RFC1: variants seen among roughly 807,000 people sequenced by gnomAD.
RFC1 encodes the protein A1 140 kDa subunit.
In RFC1, 37 loss-of-function variants were observed where a neutral mutation model predicts 137.4. That is an observed-to-expected ratio of 0.27 (90% CI 0.21 to 0.35). The LOEUF is 0.35. Ranked by LOEUF, RFC1 falls within the 10% of genes least tolerant of loss-of-function variation. The pLI is 1.00. For missense variants in RFC1, 1,205 were observed against 1,358.5 expected, an observed-to-expected ratio of 0.89 and a Z score of 1.78; for synonymous variants, 429 against 455.7, an observed-to-expected ratio of 0.94 and a Z score of 0.75.
chr4:39,308,026 A>C (rs1006841636), intron 13 of RFC1, among the ~76,000 whole-genome samples: 1 of 152,184 alleles, frequency 6.6e-6, no homozygotes, highest in Non-Finnish European at 1.5e-5. Flanking sequence ...CACGACAAAT[A>C]ATACATCATA....
intron 4 of RFC1, among the ~76,000 whole-genome samples, chr4:39,332,896 T>C (rs974325406): frequency 6.6e-6 from 1 of 152,170 alleles, no homozygotes; most frequent in Non-Finnish European, 1.5e-5. Flanking sequence ...GACGGAAGGA[T>C]CACTTGAGCC....
intron 4 of RFC1, among the ~76,000 whole-genome samples, chr4:39,328,540 A>T (rs765518531): frequency 3.7e-4 from 56 of 152,306 alleles, no homozygotes; most frequent in Non-Finnish European, 6.6e-4. Flanking sequence ...AAATGAAGAT[A>T]CCTCAGGCAA....
chr4:39,354,091 C>T (rs1251340204), intron 1 of RFC1, among the ~76,000 whole-genome samples: 1 of 152,194 alleles, frequency 6.6e-6, no homozygotes, highest in Non-Finnish European at 1.5e-5. Context: ...CTTTGCATTA[C>T]TTTACCCTAC....
Position 39,291,593 on chromosome 4 carries a change from C to T in RFC1, c.3168+46G>A, listed in dbSNP as rs376112211. 2.8e-5 allele frequency: 38 copies of T among 1,342,792 alleles called. No homozygotes were observed. The African/African-American group carries it at 5.3e-4, about 19-fold the overall frequency. 83.2% of individuals were successfully genotyped at this position (1,342,792 alleles called of 1,614,324 possible). ...ACCTCCGAAGTATTGTCAGTACAAA[C>T]CTGGTAATAGAAAGTGACGAAGAAC... On this transcript the variant is annotated intron_variant, in intron 23 of 24. Coordinates refer to ENST00000349703, the MANE Select transcript of RFC1 (RefSeq NM_002913.5).
intron 3 of RFC1, among the ~76,000 whole-genome samples, chr4:39,343,031 A>AT (rs760666083): frequency 8.6e-5 from 13 of 150,732 alleles, no homozygotes; most frequent in Non-Finnish European, 1.2e-4. Flanking sequence ...TAATCTCCCT[A>AT]TTTTTTTTTC....
chr4:39,323,184 A>C, intron 7 of RFC1, 156 bp downstream of exon 7: 1 of 451,150 alleles, frequency 2.2e-6, no homozygotes, highest in Non-Finnish European at 3.8e-6. Context: ...AAGAAGAATA[A>C]GTTTCTCAAT....
chr4:39,304,981 C>A lies in RFC1; in HGVS notation c.1996-53G>T, dbSNP rs534031606. ...GGCACAATACAAATTAACTCCACCA[C>A]CCCCGCCAAGAAAGGCCAGTTAAGA... On this transcript the variant is annotated intron_variant, in intron 14 of 24. Transcript: ENST00000349703. 2.4e-4 allele frequency: 243 copies of A among 1,032,922 alleles called. 1 individual carries two copies. In the South Asian group the frequency reaches 2.9e-3, roughly 12 times the overall value. The allele number at this position is 1,032,922 out of a possible 1,614,324, so 64.0% of individuals were successfully genotyped here. A position where few individuals can be genotyped will look rare whatever the true frequency, so the allele number is the denominator to read the frequency against.
chr4:39,315,593 G>A (rs1000982267), intron 10 of RFC1, among the ~76,000 whole-genome samples: 5 of 152,158 alleles, frequency 3.3e-5, no homozygotes, highest in African/African-American at 1.2e-4. Flanking sequence ...CTAAAGCACA[G>A]TGTGGCCAAC....
At chr4:39,331,874 T>C (rs1470205604) in intron 4 of RFC1, among the ~76,000 whole-genome samples, 1 of 152,222 alleles carries the variant, frequency 6.6e-6, no homozygotes, top group East Asian at 1.9e-4. Flanking sequence ...CCTTTTGATA[T>C]GGCTTGGCTG....
At chr4:39,312,414 A>G (rs933124942) in intron 11 of RFC1, among the ~76,000 whole-genome samples, 1 of 152,218 alleles carries the variant, frequency 6.6e-6, no homozygotes, top group Non-Finnish European at 1.5e-5. Flanking sequence ...ACACCAATTT[A>G]AAAAAACCTA....
At chr4:39,297,858 C>G (rs571892532) in intron 21 of RFC1, 1 of 152,172 alleles carries the variant, frequency 6.6e-6, no homozygotes, top group Non-Finnish European at 1.5e-5. Context: ...GAGGATTCAT[C>G]ATAATTATTC....
At position 39,304,882 on chromosome 4, in the gene RFC1, C is replaced by G. The variant is rs759308496; in HGVS notation, c.2042G>C (p.Ser681Thr). Residue 681 changes from serine to threonine, a missense_variant, in exon 15 of 25, where the codon AGT becomes ACT. Ser to Thr is a moderately conservative substitution (Grantham distance 58). Around this residue, in one of 3 missense-constraint regions of RFC1, gnomAD observed 962 missense variants for 1,035.3 expected, o/e 0.93. Transcript: ENST00000349703. ...YVELNASDTR[S>T]KSSLKAIVAE... ...AACAATCGCCTTCAAACTGCTCTTA[C>G]TCCGGGTGTCACTTGCATTCAGTTC... is the stretch of plus-strand genomic sequence containing the variant. 1.2e-6 allele frequency: 2 copies of G among 1,613,668 alleles called. No homozygotes were observed. The highest frequency in any genetic ancestry group is 2.2e-5 in the East Asian group (1 of 44,880).
In RFC1 at chr4:39,333,193, T is replaced by G. The variant is rs186581078; in HGVS notation, c.332-5437A>C. On this transcript the variant is annotated intron_variant, in intron 4 of 24. Coordinates refer to ENST00000349703, the MANE Select transcript of RFC1 (RefSeq NM_002913.5). ...ACTCTTAAGATTTTCCCCTTTACAA[T>G]TTTATGACCCTATGGGTAGCCATAT... Among the ~76,000 whole-genome samples, 4 of 152,338 alleles carry G rather than the reference T, an allele frequency of 2.6e-5. No homozygotes were observed. The East Asian group carries it at 7.7e-4, about 29-fold the overall frequency.
At chr4:39,323,870 T>C (rs1739638252) in intron 6 of RFC1, among the ~76,000 whole-genome samples, 1 of 152,212 alleles carries the variant, frequency 6.6e-6, no homozygotes, top group Non-Finnish European at 1.5e-5. Flanking sequence ...GCACATATAG[T>C]AAGCTATATA....
intron 7 of RFC1, among the ~76,000 whole-genome samples, chr4:39,322,911 C>G (rs939834316): frequency 2.0e-5 from 3 of 151,684 alleles, no homozygotes; most frequent in African/African-American, 7.3e-5. Flanking sequence ...TAACAAAACC[C>G]CCTCTCTACA....
At chr4:39,305,274 C>A (rs1738578344) in intron 14 of RFC1, among the ~76,000 whole-genome samples, 1 of 152,064 alleles carries the variant, frequency 6.6e-6, no homozygotes, top group South Asian at 2.1e-4. Context: ...TAAACATAAT[C>A]ATCCCAACAA....
At chr4:39,329,909 C>T (rs1425241184) in intron 4 of RFC1, among the ~76,000 whole-genome samples, 2 of 152,016 alleles carry the variant, frequency 1.3e-5, no homozygotes, top group Non-Finnish European at 2.9e-5. Flanking sequence ...GTGGAGTATG[C>T]CTGTAATCCC....
At chr4:39,312,212 AT>A (rs1738992468) in intron 11 of RFC1, among the ~76,000 whole-genome samples, 1 of 152,236 alleles carries the variant, frequency 6.6e-6, no homozygotes, top group Non-Finnish European at 1.5e-5. Flanking sequence ...GGCAACATGC[AT>A]GAGGACAAAA....
intron 1 of RFC1, among the ~76,000 whole-genome samples, chr4:39,353,397 C>CAAAAAAAAA (rs11416030): frequency 3.1e-5 from 2 of 63,530 alleles, no homozygotes; most frequent in African/African-American, 6.0e-5. Context: ...GAGACTGTCT[C>CAAAAAAAAA]AAAAAAAAAA....
Sources: allele counts gnomAD v4.1 joint callset (sites outside exome capture counted in the v4.1 genomes callset), GRCh38; gene constraint gnomAD v4.1.1; regional missense constraint gnomAD v4.1.1; transcripts MANE v1.5; gene names NCBI Gene and HGNC (gene_info 2026-07-23, HGNC 2026-07-21).